Variants in TNFRSF8 observed in about 807,000 individuals in gnomAD.
TNFRSF8 encodes the protein TNF receptor superfamily member 8, also known as tumor necrosis factor receptor superfamily member 8.
Under a neutral mutation model 70.8 loss-of-function variants are expected in TNFRSF8, and 26 were observed. The observed-to-expected ratio is 0.37, with a 90% CI of 0.27 to 0.51. The LOEUF (loss-of-function observed/expected upper bound fraction) is 0.51, where lower values mean the gene tolerates loss of function less well. Ranked by LOEUF, TNFRSF8 falls within the 20% of genes least tolerant of loss-of-function variation. The probability of loss-of-function intolerance (pLI) is 0.94; values close to 1 mark genes in which losing one functional copy is unlikely to be tolerated. For synonymous variants in TNFRSF8, 356 were observed against 339.2 expected (o/e 1.05, Z -0.54); for missense variants, 720 against 807.9 (o/e 0.89, Z 1.32).
intron 3 of TNFRSF8, among the ~76,000 whole-genome samples, chr1:12,103,108 A>G (rs1054487617): frequency 3.3e-5 from 5 of 152,092 alleles, no homozygotes; most frequent in Non-Finnish European, 7.4e-5. Context: ...TCACGCCTGT[A>G]ATCTCAGCAC....
chr1:12,089,943 CATCT>C (rs1367598208), intron 2 of TNFRSF8, among the ~76,000 whole-genome samples: 2 of 151,378 alleles, frequency 1.3e-5, no homozygotes, highest in African/African-American at 2.4e-5. Context: ...TCCATCCATC[CATCT>C]ACCCATCCAC....
At chr1:12,089,414 A>G (rs930584720) in intron 2 of TNFRSF8, among the ~76,000 whole-genome samples, 2 of 151,844 alleles carry the variant, frequency 1.3e-5, no homozygotes, top group African/African-American at 4.8e-5. Context: ...TCCCCCTGGC[A>G]CCTCCCTCTG....
rs776006741 is a variant in TNFRSF8 at position 12,142,393 on chromosome 1, G to A, written c.1650G>A (p.Glu550=). ...GGCCAGCAGAGCCCGAGTTGGAGGA[G>A]GAGCTGGAGGCGGACCATACCCCCC... is the stretch of plus-strand genomic sequence containing the variant. ...LAGPAEPELE[E]ELEADHTPHY... is the part of the protein sequence containing the mutation. Residue 550 remains glutamate, a synonymous_variant, in exon 15 of 15, where the codon GAG becomes GAA. Coordinates refer to ENST00000263932, the MANE Select transcript of TNFRSF8 (RefSeq NM_001243.5). This position sits in a 1 kb window ranked among gnomAD's most constrained non-coding sequence, Gnocchi z 5.0. 110 of 1,612,406 alleles carry A rather than the reference G, an allele frequency of 6.8e-5. No homozygotes were observed. Among genetic ancestry groups the A allele is most frequent in the Non-Finnish European group, 9.2e-5 (109 of 1,179,532 alleles).
chr1:12,113,476 A>G lies in TNFRSF8; in HGVS notation c.793+1462A>G, dbSNP rs1197393039. 6.6e-6 allele frequency among the ~76,000 whole-genome samples: 1 copy of G among 150,548 alleles called. No individual in the cohort carries two copies. On this transcript the variant is annotated intron_variant, in intron 7 of 14. Transcript: ENST00000263932. This position sits in a 1 kb window ranked among gnomAD's most constrained non-coding sequence, Gnocchi z 4.9. ...AGCATGAGCCATTGCCCCCGGCCATAAAAGTCTTGAGAGAGAGAGACAGAC... is the reference window on the plus strand; with the variant it reads ...AGCATGAGCCATTGCCCCCGGCCATGAAAGTCTTGAGAGAGAGAGACAGAC...
chr1:12,113,677 CAG>C lies in TNFRSF8; in HGVS notation c.793+1665_793+1666del, dbSNP rs1029154232. Among the ~76,000 whole-genome samples the C allele has an allele frequency of 2.9e-5, 4 of 137,544 alleles. No homozygotes were observed. Among genetic ancestry groups the C allele is most frequent in the African/African-American group, 5.8e-5 (2 of 34,466 alleles). 90.2% of individuals were successfully genotyped at this position (137,544 alleles called of 152,430 possible). A position where few individuals can be genotyped will look rare whatever the true frequency, so the allele number is the denominator to read the frequency against. ...ACGGAGTGAGCGAGAGAGAGAGAGA[CAG>C]AAAGACAGAAAGAGAGACTGAGAGA... On this transcript the variant is annotated intron_variant, in intron 7 of 14. Coordinates refer to ENST00000263932, the MANE Select transcript of TNFRSF8 (RefSeq NM_001243.5). This position sits in a 1 kb window ranked among gnomAD's most constrained non-coding sequence, Gnocchi z 4.9.
rs1408700889 is a variant in TNFRSF8 at position 12,126,188 on chromosome 1, C to T, written c.1261C>T (p.His421Tyr). 1 of 1,614,038 alleles carries T rather than the reference C, an allele frequency of 6.2e-7. No homozygotes were observed. The highest frequency in any genetic ancestry group is 1.3e-5 in the African/African-American group (1 of 74,912). Residue 421 changes from histidine to tyrosine, a missense_variant, in exon 12 of 15, where the codon CAC becomes TAC. Physicochemically the swap from His to Tyr is moderately conservative, Grantham distance 83. Coordinates refer to ENST00000263932, the MANE Select transcript of TNFRSF8 (RefSeq NM_001243.5). ...TCCTCCTGGTGTCGTTTCAGAGCTC[C>T]ACCTGTGCTACCCGGTCCAGACCTC... is the stretch of plus-strand genomic sequence containing the variant. ...ACRKRIRQKLHLCYPVQTSQP... is the reference protein window; with the variant it reads ...ACRKRIRQKLYLCYPVQTSQP...
chr1:12,129,955 A>T (rs1399406716), intron 12 of TNFRSF8, among the ~76,000 whole-genome samples: 1 of 152,086 alleles, frequency 6.6e-6, no homozygotes, highest in Non-Finnish European at 1.5e-5. Flanking sequence ...CCCAGGCTGG[A>T]GTGCAGTAGT....
At chr1:12,076,620 A>G (rs1450116827) in intron 1 of TNFRSF8, among the ~76,000 whole-genome samples, 2 of 151,816 alleles carry the variant, frequency 1.3e-5, no homozygotes, top group Non-Finnish European at 2.9e-5. Flanking sequence ...GGCCCTGCAC[A>G]CTCTTTCTCA....
At chr1:12,101,362 G>T (rs1311696745) in intron 3 of TNFRSF8, among the ~76,000 whole-genome samples, 1 of 151,852 alleles carries the variant, frequency 6.6e-6, no homozygotes, top group African/African-American at 2.4e-5. Flanking sequence ...AGGAAGTTGA[G>T]GTTACAGTGA....
At chr1:12,090,260 A>C (rs1268323864) in intron 2 of TNFRSF8, among the ~76,000 whole-genome samples, 18 of 83,438 alleles carry the variant, frequency 2.2e-4, no homozygotes, top group Middle Eastern at 0.022. Context: ...TACCCATCCA[A>C]CCATCTACCC....
chr1:12,135,477 C>A, intron 12 of TNFRSF8, 111 bp from the exon 13 acceptor site: 1 of 1,400,528 alleles, frequency 7.1e-7, no homozygotes, highest in Non-Finnish European at 9.7e-7. Flanking sequence ...GACCCCTGGG[C>A]TGAGTTCAGC....
chr1:12,140,861 T>A (rs1642239533), intron 14 of TNFRSF8, among the ~76,000 whole-genome samples: 1 of 151,494 alleles, frequency 6.6e-6, no homozygotes, highest in South Asian at 2.1e-4. Context: ...CTCTGGGCCT[T>A]CTCTCCCCTC....
Position 12,098,237 on chromosome 1 carries a change from A to C in TNFRSF8, c.268+1020A>C, listed in dbSNP as rs544131038. ...GTAGCAAAGGTTAAAAAGAAAGAAA[A>C]GTAATAATAATATTGCCATTTCTTC... On this transcript the variant is annotated intron_variant, in intron 3 of 14. Coordinates refer to ENST00000263932, the MANE Select transcript of TNFRSF8 (RefSeq NM_001243.5). Among the ~76,000 whole-genome samples the C allele has an allele frequency of 2.0e-5, 3 of 152,356 alleles. No individual in the cohort carries two copies. In the South Asian group the frequency reaches 6.2e-4, roughly 32 times the overall value.
chr1:12,122,216 A>G (rs1226934261), intron 8 of TNFRSF8, among the ~76,000 whole-genome samples: 2 of 152,136 alleles, frequency 1.3e-5, no homozygotes, highest in African/African-American at 4.8e-5. Context: ...TTAAAAATAG[A>G]GACAGGGTCT....
At chr1:12,135,302 T>G (rs1642124666) in intron 12 of TNFRSF8, among the ~76,000 whole-genome samples, 1 of 110,584 alleles carries the variant, frequency 9.0e-6, no homozygotes, top group African/African-American at 3.9e-5. Context: ...GGTGACAGAG[T>G]GAGACTCCAT....
In TNFRSF8 at chr1:12,138,059, A is replaced by G. The variant is rs970404506; in HGVS notation, c.1336-170A>G. Among the ~76,000 whole-genome samples, 1 of 152,118 alleles carries G rather than the reference A, an allele frequency of 6.6e-6. No homozygotes were observed. The highest frequency in any genetic ancestry group is 2.4e-5 in the African/African-American group (1 of 41,426). On this transcript the variant is annotated intron_variant, in intron 13 of 14. Coordinates refer to ENST00000263932, the MANE Select transcript of TNFRSF8 (RefSeq NM_001243.5). This position sits in a 1 kb window ranked among gnomAD's most constrained non-coding sequence, Gnocchi z 5.7. ...CTATTTAGTACAAATTAAAAGCAACAGACTTCACCCAGAAAGCTGAGAAGC... is the reference window on the plus strand; with the variant it reads ...CTATTTAGTACAAATTAAAAGCAACGGACTTCACCCAGAAAGCTGAGAAGC...
At chr1:12,126,368 A>T in intron 12 of TNFRSF8, 132 bp downstream of exon 12, 1 of 1,013,588 alleles carries the variant, frequency 9.9e-7, no homozygotes, top group Non-Finnish European at 1.5e-6. Context: ...CTCCTGTCGC[A>T]TTCTGTACAT....
intron 8 of TNFRSF8, among the ~76,000 whole-genome samples, chr1:12,122,787 A>C (rs892002081): frequency 2.0e-5 from 3 of 152,130 alleles, no homozygotes; most frequent in Non-Finnish European, 2.9e-5. Context: ...TCACTGTTTC[A>C]CCTTCCTGGG....
At chr1:12,080,618 T>C in intron 1 of TNFRSF8, 1 of 321,368 alleles carries the variant, frequency 3.1e-6, no homozygotes, top group African/African-American at 2.2e-5. Context: ...AGTGCAATGG[T>C]GCGTTCTTGG....
Sources: allele counts gnomAD v4.1 joint callset (sites outside exome capture counted in the v4.1 genomes callset), GRCh38; gene constraint gnomAD v4.1.1; non-coding constraint Gnocchi (gnomAD v3.1); transcripts MANE v1.5; gene names NCBI Gene and HGNC (gene_info 2026-07-23, HGNC 2026-07-21).